The following SDK1 variants were observed in gnomAD, a reference collection of about 807,000 sequenced individuals.
The protein encoded by SDK1 is protein sidekick-1.
SDK1 carries 157 observed loss-of-function variants against 245.5 expected under a neutral mutation model. The observed-to-expected ratio is 0.64, with a 90% CI of 0.56 to 0.73. The LOEUF is 0.73. SDK1 is among the 30% of genes least tolerant of loss of function. SDK1 has a pLI of 0.00. For missense variants in SDK1, 3,583 were observed against 3,002.3 expected (o/e 1.19, Z -4.52); for synonymous variants, 1,647 against 1,278.5 (o/e 1.29, Z -6.15).
chr7:4,148,711 G>A (rs1030427858), intron 29 of SDK1, among the ~76,000 whole-genome samples: 2 of 152,206 alleles, frequency 1.3e-5, no homozygotes, highest in African/African-American at 4.8e-5. Flanking sequence ...CTCCTGTGTG[G>A]CTTTGTTCCT....
At chr7:3,450,184 T>G (rs1301983293) in intron 1 of SDK1, among the ~76,000 whole-genome samples, 2 of 152,364 alleles carry the variant, frequency 1.3e-5, no homozygotes, top group Admixed American at 1.3e-4. Context: ...TGTGCACATG[T>G]GTTCATATTT....
At chr7:4,105,374 T>A (rs111536344) in intron 22 of SDK1, among the ~76,000 whole-genome samples, 11,038 of 151,786 alleles carry the variant, frequency 0.073, 432 homozygotes, top group African/African-American at 0.1. Context: ...TGGCATGATC[T>A]CAGCTCACTG....
At chr7:3,695,437 C>G (rs895316590) in intron 4 of SDK1, among the ~76,000 whole-genome samples, 1 of 152,176 alleles carries the variant, frequency 6.6e-6, no homozygotes, top group African/African-American at 2.4e-5. Context: ...CTCATGTCTT[C>G]TCTTTCTCTT....
intron 4 of SDK1, among the ~76,000 whole-genome samples, chr7:3,804,073 TCTTAATA>T (rs1371942962): frequency 1.3e-5 from 2 of 152,204 alleles, no homozygotes; most frequent in African/African-American, 4.8e-5. Flanking sequence ...AATATTTTCC[TCTTAATA>T]GAGTCTTTCA....
chr7:4,169,226 G>A (rs1217145399), intron 32 of SDK1, among the ~76,000 whole-genome samples: 1 of 152,218 alleles, frequency 6.6e-6, no homozygotes, highest in Non-Finnish European at 1.5e-5. Context: ...CCCATCCATG[G>A]CTCCGGTGGA....
chr7:3,457,567 C>T (rs184620979), intron 1 of SDK1, among the ~76,000 whole-genome samples: 2 of 152,188 alleles, frequency 1.3e-5, no homozygotes, highest in African/African-American at 2.4e-5. Context: ...TTCCAGGTTT[C>T]TGTTTTGCCT....
At chr7:4,091,009 C>T (rs1781754969) in intron 22 of SDK1, among the ~76,000 whole-genome samples, 1 of 152,270 alleles carries the variant, frequency 6.6e-6, no homozygotes, top group South Asian at 2.1e-4. Context: ...TGGGCTGCTG[C>T]CCTGCTTGGA....
At chr7:3,815,704 A>G (rs1380911068) in intron 4 of SDK1, among the ~76,000 whole-genome samples, 2 of 152,060 alleles carry the variant, frequency 1.3e-5, no homozygotes, top group Admixed American at 6.6e-5. Context: ...AGTTCCTCCA[A>G]GGATACCCAG....
At chr7:3,852,236 T>C (rs1780435409) in intron 5 of SDK1, among the ~76,000 whole-genome samples, 1 of 151,666 alleles carries the variant, frequency 6.6e-6, no homozygotes, top group Non-Finnish European at 1.5e-5. Flanking sequence ...ATTTTAAAAA[T>C]AGTTCTGGCT....
intron 4 of SDK1, among the ~76,000 whole-genome samples, chr7:3,765,071 TTAA>T (rs1780216363): frequency 6.6e-6 from 1 of 152,176 alleles, no homozygotes; most frequent in South Asian, 2.1e-4. Context: ...TGGTTTTCTT[TTAA>T]TAATTATAGT....
intron 1 of SDK1, among the ~76,000 whole-genome samples, chr7:3,603,605 A>T: frequency 6.6e-6 from 1 of 152,098 alleles, no homozygotes. Flanking sequence ...GGTTTTCTAG[A>T]TATACAATCA....
At chr7:3,479,955 G>T (rs923734781) in intron 1 of SDK1, among the ~76,000 whole-genome samples, 3 of 151,596 alleles carry the variant, frequency 2.0e-5, no homozygotes, top group Non-Finnish European at 4.4e-5. Context: ...TTGAAGCTAT[G>T]TTATTAGGTA....
intron 23 of SDK1, among the ~76,000 whole-genome samples, chr7:4,111,363 G>C (rs904433446): frequency 3.3e-5 from 5 of 152,190 alleles, no homozygotes; most frequent in African/African-American, 1.2e-4. Context: ...GGAATTTCCA[G>C]TTATCACCAG....
intron 1 of SDK1, among the ~76,000 whole-genome samples, chr7:3,425,362 A>G (rs1038566416): frequency 1.3e-5 from 2 of 152,220 alleles, no homozygotes; most frequent in African/African-American, 2.4e-5. Flanking sequence ...CCCTTTAAGC[A>G]TAAATCTGTG....
intron 14 of SDK1, among the ~76,000 whole-genome samples, chr7:3,996,681 G>C (rs931704683): frequency 5.3e-5 from 8 of 152,258 alleles, no homozygotes; most frequent in Middle Eastern, 6.8e-3. Flanking sequence ...CTGATGTTTA[G>C]ATATTTATTT....
At chr7:3,637,666 C>T (rs1484590437) in intron 2 of SDK1, among the ~76,000 whole-genome samples, 1 of 152,066 alleles carries the variant, frequency 6.6e-6, no homozygotes, top group Non-Finnish European at 1.5e-5. Flanking sequence ...TTATTTTTTT[C>T]CTTTGAAATT....
chr7:4,180,284 T>C (rs113916522), intron 35 of SDK1, among the ~76,000 whole-genome samples: 40,922 of 112,392 alleles, frequency 0.36, 6,050 homozygotes, highest in Middle Eastern at 0.53. Context: ...TACCCGGCTC[T>C]AGCTCTATGC....
At chr7:3,504,293 G>T (rs1255646614) in intron 1 of SDK1, among the ~76,000 whole-genome samples, 1 of 149,712 alleles carries the variant, frequency 6.7e-6, no homozygotes, top group African/African-American at 2.5e-5. Context: ...TGTTGTTGTT[G>T]CAGAATTTGA....
intron 1 of SDK1, among the ~76,000 whole-genome samples, chr7:3,510,418 G>A (rs976973117): frequency 5.9e-5 from 9 of 152,170 alleles, no homozygotes; most frequent in African/African-American, 2.2e-4. Flanking sequence ...CACTGCCAAG[G>A]CACTCGGTCT....
Sources: allele counts gnomAD v4.1 joint callset (sites outside exome capture counted in the v4.1 genomes callset), GRCh38; gene constraint gnomAD v4.1.1; transcripts MANE v1.5; gene names NCBI Gene and HGNC (gene_info 2026-07-23, HGNC 2026-07-21).